Variants in MYO6 observed in about 807,000 individuals in gnomAD.
The protein encoded by MYO6 is unconventional myosin-VI.
Under a neutral mutation model 178.7 loss-of-function variants are expected in MYO6, and 74 were observed. The ratio of observed to expected loss-of-function variants is 0.41; its 90% CI spans 0.34 to 0.50. The LOEUF (loss-of-function observed/expected upper bound fraction) is 0.50. Ranked by LOEUF, MYO6 falls within the 20% of genes least tolerant of loss-of-function variation. The probability of loss-of-function intolerance (pLI) is 0.09; values close to 1 mark genes in which losing one functional copy is unlikely to be tolerated. For synonymous variants in MYO6, 477 were observed against 504.6 expected, an observed-to-expected ratio of 0.95 and a Z score of 0.73; for missense variants, 1,330 against 1,547.4, an observed-to-expected ratio of 0.86 and a Z score of 2.36.
intron 1 of MYO6, among the ~76,000 whole-genome samples, chr6:75,796,458 A>C (rs1240529846): frequency 6.6e-6 from 1 of 152,036 alleles, no homozygotes; most frequent in Non-Finnish European, 1.5e-5. Context: ...TTTTAGATAC[A>C]GGGGTACATG....
chr6:75,864,013 G>C (rs933546359), intron 16 of MYO6, among the ~76,000 whole-genome samples: 6 of 151,982 alleles, frequency 3.9e-5, no homozygotes, highest in African/African-American at 1.2e-4. Flanking sequence ...CCACACAAAT[G>C]GATGTCAGTT....
intron 30 of MYO6, among the ~76,000 whole-genome samples, chr6:75,900,231 A>T (rs867535465): frequency 2.0e-5 from 3 of 152,142 alleles, no homozygotes; most frequent in Non-Finnish European, 2.9e-5. Context: ...CATGATTTAC[A>T]GTCCTTTGAG....
At chr6:75,891,923 A>G (rs562515692) in intron 27 of MYO6, among the ~76,000 whole-genome samples, 43 of 152,226 alleles carry the variant, frequency 2.8e-4, no homozygotes, top group Non-Finnish European at 5.1e-4. Flanking sequence ...GACAGTTAAT[A>G]CATGTTAAAG....
chr6:75,816,468 A>C (rs1771259719), intron 1 of MYO6, among the ~76,000 whole-genome samples: 1 of 152,196 alleles, frequency 6.6e-6, no homozygotes, highest in Admixed American at 6.5e-5. Flanking sequence ...CGGCCTCTCA[A>C]AGTGTTGGCA....
chr6:75,866,658 G>C (rs769303024), intron 17 of MYO6, 37 bp downstream of exon 17: 5 of 1,513,404 alleles, frequency 3.3e-6, no homozygotes, highest in Non-Finnish European at 4.6e-6. Context: ...ACCATTTCAT[G>C]TTGAAGCTGC....
intron 3 of MYO6, among the ~76,000 whole-genome samples, chr6:75,826,004 A>T (rs1056685677): frequency 3.9e-5 from 6 of 152,182 alleles, no homozygotes; most frequent in Non-Finnish European, 8.8e-5. Flanking sequence ...TAAAAGGTAA[A>T]CAGTTTACAT....
At chr6:75,908,369 A>G (rs1780502190) in intron 31 of MYO6, 127 bp from the exon 32 acceptor site, 1 of 821,776 alleles carries the variant, frequency 1.2e-6, no homozygotes, top group Non-Finnish European at 1.9e-6. Flanking sequence ...TAATTAGCTT[A>G]CTTTTGATTT....
At chr6:75,843,833 G>T (rs1774469817) in intron 9 of MYO6, among the ~76,000 whole-genome samples, 2 of 151,742 alleles carry the variant, frequency 1.3e-5, no homozygotes, top group African/African-American at 4.8e-5. Context: ...AATGGAGAAG[G>T]AAAGATAGAG....
chr6:75,851,643 A>C (rs1413041396), intron 11 of MYO6, among the ~76,000 whole-genome samples: 8 of 151,022 alleles, frequency 5.3e-5, no homozygotes, highest in African/African-American at 1.5e-4. Flanking sequence ...TAAAAAAAAA[A>C]CAAAAAAACC....
chr6:75,899,560 TTTTTGAGCAAAGCAA>T (rs1779568270), intron 30 of MYO6, among the ~76,000 whole-genome samples: 1 of 152,144 alleles, frequency 6.6e-6, no homozygotes, highest in Non-Finnish European at 1.5e-5. Context: ...CAGCTGGCCA[TTTTTGAGCAAAGCAA>T]TTAAGACCAA....
intron 5 of MYO6, among the ~76,000 whole-genome samples, chr6:75,831,045 A>G (rs964036124): frequency 6.6e-6 from 1 of 152,178 alleles, no homozygotes. Context: ...AAAGTAGTAT[A>G]TGCTTCATAC....
At chr6:75,903,983 A>G (rs1780048949) in intron 30 of MYO6, among the ~76,000 whole-genome samples, 1 of 152,000 alleles carries the variant, frequency 6.6e-6, no homozygotes, top group Non-Finnish European at 1.5e-5. Flanking sequence ...TCCTTCACTT[A>G]TGAAGCTTAG....
chr6:75,905,072 AG>A (rs1237665450), intron 30 of MYO6, among the ~76,000 whole-genome samples: 2 of 152,220 alleles, frequency 1.3e-5, no homozygotes, highest in African/African-American at 4.8e-5. Context: ...TTGAGGAGAC[AG>A]TCTGCCTGTT....
At chr6:75,897,758 A>T (rs772722055) in intron 29 of MYO6, among the ~76,000 whole-genome samples, 7 of 152,170 alleles carry the variant, frequency 4.6e-5, no homozygotes, top group Non-Finnish European at 8.8e-5. Context: ...TAAAAGTTAC[A>T]CTCTTCTGGG....
At chr6:75,779,744 G>A (rs1011472441) in intron 1 of MYO6, among the ~76,000 whole-genome samples, 5 of 152,138 alleles carry the variant, frequency 3.3e-5, no homozygotes, top group Non-Finnish European at 4.4e-5. Flanking sequence ...GTCATTTCAT[G>A]TGGTAATTAT....
At chr6:75,779,091 G>T (rs906248226) in intron 1 of MYO6, among the ~76,000 whole-genome samples, 1 of 145,848 alleles carries the variant, frequency 6.9e-6, no homozygotes, top group East Asian at 2.1e-4. Flanking sequence ...AAGAGATAGG[G>T]TTTGGCTACA....
chr6:75,813,359 C>G (rs1247154137), intron 1 of MYO6, among the ~76,000 whole-genome samples: 5 of 152,158 alleles, frequency 3.3e-5, no homozygotes, highest in African/African-American at 1.2e-4. Flanking sequence ...GATGTTCACT[C>G]AAGGCCCAAG....
chr6:75,867,139 T>A, intron 18 of MYO6, 34 bp downstream of exon 18: 2 of 1,478,130 alleles, frequency 1.4e-6, no homozygotes. Context: ...TTTTACTATA[T>A]TTAAAATGAA....
chr6:75,909,175 C>CTACT (rs1780575035), intron 32 of MYO6, among the ~76,000 whole-genome samples: 1 of 152,202 alleles, frequency 6.6e-6, no homozygotes, highest in African/African-American at 2.4e-5. Flanking sequence ...TAGGCATGAG[C>CTACT]TACTGCTCCC....
Sources: gnomAD v4.1 joint callset for allele counts (sites outside exome capture counted in the v4.1 genomes callset) on GRCh38, gnomAD v4.1.1 for gene constraint, MANE v1.5 for transcripts, NCBI Gene and HGNC (gene_info 2026-07-23, HGNC 2026-07-21) for gene names.